ALOX5: variants seen among roughly 807,000 people sequenced by gnomAD.
ALOX5 encodes the protein polyunsaturated fatty acid 5-lipoxygenase.
ALOX5 carries 64 observed loss-of-function variants against 87.9 expected under a neutral mutation model. That is an observed-to-expected ratio of 0.73 (90% CI 0.60 to 0.90). The LOEUF (loss-of-function observed/expected upper bound fraction) is 0.90, where lower values mean the gene tolerates loss of function less well. ALOX5 is among the 40% of genes least tolerant of loss of function. ALOX5 has a pLI of 0.00. For synonymous variants in ALOX5, 388 were observed against 355.1 expected, an observed-to-expected ratio of 1.09 and a Z score of -1.04; for missense variants, 822 against 907.5, an observed-to-expected ratio of 0.91 and a Z score of 1.21.
chr10:45,394,501 C>T (rs557505956), intron 2 of ALOX5, among the ~76,000 whole-genome samples: 24 of 152,276 alleles, frequency 1.6e-4, no homozygotes, highest in Middle Eastern at 3.4e-3. Context: ...CCATCAAAAC[C>T]CTAGAGGAAA....
At position 45,445,766 on chromosome 10, in the gene ALOX5, C is replaced by T; in HGVS notation, c.*79C>T. 6.7e-7 allele frequency: 1 copy of T among 1,492,302 alleles called. No homozygotes were observed. Among genetic ancestry groups the T allele is most frequent in the Non-Finnish European group, 9.2e-7 (1 of 1,091,550 alleles). The allele number at this position is 1,492,302 out of a possible 1,614,324, so 92.4% of individuals were successfully genotyped here. On this transcript the variant is annotated 3_prime_UTR_variant, in exon 14 of 14. Transcript: ENST00000374391. ...CAGCCTGCCTGGCAGGCTGTCTGGC[C>T]AGGCCTCTTGGCAGTCACATCTCTT...
At position 45,418,429 on chromosome 10, in the gene ALOX5, G is replaced by A. The variant is rs148158474; in HGVS notation, c.555-5612G>A. 2.1e-4 allele frequency among the ~76,000 whole-genome samples: 32 copies of A among 152,252 alleles called. 1 individual carries two copies. In the East Asian group the frequency reaches 5.2e-3, roughly 25 times the overall value. ...TCGCACACATCAGCCCCTCAGGGAA[G>A]TTTCTCCCTAAAGACAGCCTTTGTC... On this transcript the variant is annotated intron_variant, in intron 4 of 13. Transcript: ENST00000374391.
At position 45,374,245 on chromosome 10, in the gene ALOX5, G is replaced by T; in HGVS notation, c.-35G>T. On this transcript the variant is annotated 5_prime_UTR_variant, in exon 1 of 14. It adds an upstream start codon to the 5' untranslated region. Coordinates refer to ENST00000374391, the MANE Select transcript of ALOX5 (RefSeq NM_000698.5). ...GCGGACACCTGGACCGCCGCGCCGA[G>T]GCTCCCGGCGCTCGCTGCTCCCGCG... 1 of 1,449,944 alleles carries T rather than the reference G, an allele frequency of 6.9e-7. No homozygotes were observed. The highest frequency in any genetic ancestry group is 9.1e-7 in the Non-Finnish European group (1 of 1,100,814). The allele number at this position is 1,449,944 out of a possible 1,614,324, so 89.8% of individuals were successfully genotyped here.
intron 2 of ALOX5, among the ~76,000 whole-genome samples, chr10:45,391,880 C>A (rs1292162966): frequency 2.7e-5 from 3 of 113,148 alleles, no homozygotes; most frequent in African/African-American, 9.2e-5. Context: ...CCCCTCCGCC[C>A]GGCAGCCGCC....
chr10:45,441,543 G>A (rs961233407), intron 9 of ALOX5, 113 bp downstream of exon 9: 3 of 1,096,394 alleles, frequency 2.7e-6, no homozygotes, highest in Non-Finnish European at 2.7e-6. Context: ...GAAGGCTGGA[G>A]TCTGCTCAGA....
At chr10:45,390,441 G>A (rs1225907464) in intron 2 of ALOX5, among the ~76,000 whole-genome samples, 3 of 152,214 alleles carry the variant, frequency 2.0e-5, no homozygotes, top group Non-Finnish European at 4.4e-5. Flanking sequence ...ATAGTTGGAA[G>A]TAAAGCACTC....
rs938773987 is a variant in ALOX5 at position 45,428,884 on chromosome 10, C to T, written c.981+120C>T. On this transcript the variant is annotated intron_variant, in intron 7 of 13. Transcript: ENST00000374391. ...ATGTCTTGAAAGACACTAGGGCTTC[C>T]TGCAGGCCCTGAGGTGGGCTGTCCA... The T allele has an allele frequency of 2.2e-6, 3 of 1,340,608 alleles. No homozygotes were observed. The African/African-American group carries it at 4.4e-5, about 20-fold the overall frequency. 83.0% of individuals were successfully genotyped at this position (1,340,608 alleles called of 1,614,324 possible).
intron 4 of ALOX5, among the ~76,000 whole-genome samples, chr10:45,419,766 G>A (rs1288251802): frequency 2.6e-5 from 4 of 152,252 alleles, no homozygotes; most frequent in Non-Finnish European, 5.9e-5. Flanking sequence ...TAGGGAAGGA[G>A]CGATATCCCC....
chr10:45,445,835 G>C lies in ALOX5; in HGVS notation c.*148G>C. 1 of 856,948 alleles carries C rather than the reference G, an allele frequency of 1.2e-6. No individual in the cohort carries two copies. 53.1% of individuals were successfully genotyped at this position (856,948 alleles called of 1,614,324 possible). On this transcript the variant is annotated 3_prime_UTR_variant, in exon 14 of 14. Coordinates refer to ENST00000374391, the MANE Select transcript of ALOX5 (RefSeq NM_000698.5). The stretch of plus-strand genomic sequence containing the variant: ...TTCCATTTATTCTTTGATCTTCAGG[G>C]AACTGCATAGATTGATCAAAGTGTA...
intron 1 of ALOX5, among the ~76,000 whole-genome samples, chr10:45,381,797 AC>A (rs1452819999): frequency 3.9e-5 from 6 of 152,094 alleles, no homozygotes; most frequent in Non-Finnish European, 7.4e-5. Context: ...CATTTCTTTC[AC>A]CTGCCTGGGT....
intron 1 of ALOX5, among the ~76,000 whole-genome samples, chr10:45,377,101 A>C (rs1431174273): frequency 6.6e-6 from 1 of 152,222 alleles, no homozygotes; most frequent in Non-Finnish European, 1.5e-5. Flanking sequence ...TAAGGGCAAT[A>C]GCGTGGTGTT....
intron 4 of ALOX5, among the ~76,000 whole-genome samples, chr10:45,416,832 T>C (rs1564433525): frequency 6.8e-6 from 1 of 146,332 alleles, no homozygotes; most frequent in East Asian, 1.9e-4. Flanking sequence ...GATGGATGGA[T>C]GACAGATAGT....
chr10:45,388,510 G>T lies in ALOX5; in HGVS notation c.349+5829G>T, dbSNP rs1268801673. ...GACAAAGCTTCCAGAGGAGCAATCAGGCAGCAACATTTGCTGTTCAGCAAT... is the reference window on the plus strand; with the variant it reads ...GACAAAGCTTCCAGAGGAGCAATCATGCAGCAACATTTGCTGTTCAGCAAT... On this transcript the variant is annotated intron_variant, in intron 2 of 13. Coordinates refer to ENST00000374391, the MANE Select transcript of ALOX5 (RefSeq NM_000698.5). 2.0e-5 allele frequency among the ~76,000 whole-genome samples: 3 copies of T among 152,368 alleles called. No homozygotes were observed. In the East Asian group the frequency reaches 5.8e-4, roughly 29 times the overall value.
chr10:45,442,131 G>A lies in ALOX5; in HGVS notation c.1272+701G>A, dbSNP rs946355693. Among the ~76,000 whole-genome samples the A allele has an allele frequency of 4.6e-5, 7 of 152,154 alleles. 1 individual carries two copies. The highest frequency in any genetic ancestry group is 1.3e-4 in the Admixed American group (2 of 15,282). On this transcript the variant is annotated intron_variant, in intron 9 of 13. Coordinates refer to ENST00000374391, the MANE Select transcript of ALOX5 (RefSeq NM_000698.5). Reference sequence around the variant, plus strand: ...AAATACCTGGACACAATAGAGGGTCGGGGGCCTCAGCCAGAAATGGATCCA... The same window carrying A: ...AAATACCTGGACACAATAGAGGGTCAGGGGCCTCAGCCAGAAATGGATCCA...
intron 4 of ALOX5, among the ~76,000 whole-genome samples, chr10:45,416,860 A>AGATGGGTGGATGGATT (rs1303433819): frequency 4.7e-5 from 7 of 150,536 alleles, no homozygotes; most frequent in African/African-American, 1.7e-4. Context: ...ATGGATGGAT[A>AGATGGGTGGATGGATT]GATGGGTGGA....
chr10:45,406,577 A>G (rs923077111), intron 3 of ALOX5, among the ~76,000 whole-genome samples: 3 of 152,192 alleles, frequency 2.0e-5, no homozygotes, highest in Non-Finnish European at 4.4e-5. Context: ...AGTTTTCTTC[A>G]TGCAGGTCCT....
chr10:45,431,776 G>A (rs1373797582), intron 7 of ALOX5, among the ~76,000 whole-genome samples: 1 of 152,058 alleles, frequency 6.6e-6, no homozygotes, highest in African/African-American at 2.4e-5. Flanking sequence ...ATTTCACCAT[G>A]TTGGCCAGGC....
At chr10:45,402,977 T>C (rs1840754925) in intron 3 of ALOX5, among the ~76,000 whole-genome samples, 1 of 152,144 alleles carries the variant, frequency 6.6e-6, no homozygotes. Flanking sequence ...TGGGCAACAC[T>C]TCAACAACTG....
rs1468941129 is a variant in ALOX5 at position 45,424,061 on chromosome 10, A to G, written c.575A>G (p.Asn192Ser). The G allele has an allele frequency of 2.5e-6, 4 of 1,614,020 alleles. No individual in the cohort carries two copies. The highest frequency in any genetic ancestry group is 2.5e-6 in the Non-Finnish European group (3 of 1,180,016). ...YSKAMENLFI[N>S]RFMHMFQSSW... ...TGCAGGATGGAGAACCTGTTCATCA[A>G]CCGCTTCATGCACATGTTCCAGTCT... is the stretch of plus-strand genomic sequence containing the variant. The change falls in exon 5 of 14, where the codon AAC (asparagine) becomes AGC (serine). Residue 192 changes from asparagine (N) to serine (S), a missense_variant. By Grantham distance (46) the Asn-to-Ser change is conservative. Coordinates refer to ENST00000374391, the MANE Select transcript of ALOX5 (RefSeq NM_000698.5).
Sources: allele counts gnomAD v4.1 joint callset (sites outside exome capture counted in the v4.1 genomes callset), GRCh38; gene constraint gnomAD v4.1.1; transcripts MANE v1.5; gene names NCBI Gene and HGNC (gene_info 2026-07-23, HGNC 2026-07-21).